YES1: variants seen among roughly 807,000 people sequenced by gnomAD.
YES1 encodes the protein tyrosine-protein kinase Yes.
Under a neutral mutation model 70.4 loss-of-function variants are expected in YES1, and 39 were observed. The observed-to-expected ratio is 0.55, with a 90% CI of 0.43 to 0.72. YES1 has a LOEUF of 0.72. Ranked by LOEUF, YES1 falls within the 30% of genes least tolerant of loss-of-function variation. YES1 has a pLI of 0.00. For missense variants in YES1, 495 were observed against 644.8 expected (o/e 0.77, Z 2.52); for synonymous variants, 198 against 218.6 (o/e 0.91, Z 0.83).
At position 723,487 on chromosome 18, in the gene YES1, A is replaced by G. The variant is rs570659122; in HGVS notation, c.*937T>C. ...GTGCATTCAAGTCCCTGATCTGGTC[A>G]TATTTTCTATTTGTGGCACCCATCC... On this transcript the variant is annotated 3_prime_UTR_variant, in exon 12 of 12. Transcript: ENST00000314574. The G allele has an allele frequency of 6.5e-6, 1 of 152,774 alleles. No homozygotes were observed. The highest frequency in any genetic ancestry group is 2.1e-4 in the South Asian group (1 of 4,832). 9.5% of individuals were successfully genotyped at this position (152,774 alleles called of 1,614,324 possible).
At chr18:734,105 CCT>C (rs2080123325) in intron 10 of YES1, among the ~76,000 whole-genome samples, 1 of 151,756 alleles carries the variant, frequency 6.6e-6, no homozygotes, top group African/African-American at 2.4e-5. Context: ...ACGGTGAAAC[CCT>C]GTCTGTACCA....
intron 1 of YES1, among the ~76,000 whole-genome samples, chr18:804,929 A>C: frequency 6.6e-6 from 1 of 151,664 alleles, no homozygotes. Flanking sequence ...AAAAAAACAC[A>C]AACCAAAAAC....
At chr18:732,237 G>A (rs1176841982) in intron 11 of YES1, among the ~76,000 whole-genome samples, 2 of 151,796 alleles carry the variant, frequency 1.3e-5, no homozygotes, top group East Asian at 1.9e-4. Flanking sequence ...TCAGGAGTTC[G>A]AGACCAGCTT....
chr18:764,119 CA>C (rs138074397), intron 1 of YES1, among the ~76,000 whole-genome samples: 114,211 of 140,476 alleles, frequency 0.81, 46,169 homozygotes, highest in Admixed American at 0.87. Flanking sequence ...GACTCCCTCT[CA>C]AAAAAAAAAA....
In YES1 at chr18:722,207, T is replaced by C. The variant is rs2079960034; in HGVS notation, c.*2217A>G. The C allele has an allele frequency of 6.6e-6, 1 of 152,612 alleles. No individual in the cohort carries two copies. The allele number at this position is 152,612 out of a possible 1,614,324, so 9.5% of individuals were successfully genotyped here. ...TAGTTCACATAAAGCCCTTAAAAAATCTCATGTCACAAGTTGTTGATAAGA... is the reference window on the plus strand; with the variant it reads ...TAGTTCACATAAAGCCCTTAAAAAACCTCATGTCACAAGTTGTTGATAAGA... On this transcript the variant is annotated 3_prime_UTR_variant, in exon 12 of 12. Transcript: ENST00000314574.
chr18:741,337 G>C (rs763059287), intron 8 of YES1, among the ~76,000 whole-genome samples: 17 of 150,014 alleles, frequency 1.1e-4, no homozygotes, highest in Non-Finnish European at 2.2e-4. Context: ...TTAACCTCCT[G>C]GGCTCAAGCA....
chr18:788,777 T>C (rs558988876), intron 1 of YES1, among the ~76,000 whole-genome samples: 5 of 152,278 alleles, frequency 3.3e-5, no homozygotes, highest in African/African-American at 7.2e-5. Context: ...TTTTTAAAAA[T>C]TAGCCAGACA....
chr18:757,483 A>G (rs1251246527), intron 1 of YES1, among the ~76,000 whole-genome samples: 2 of 145,374 alleles, frequency 1.4e-5, no homozygotes, highest in Non-Finnish European at 3.0e-5. Flanking sequence ...AGCCTGGGCG[A>G]CAGAGCGAGA....
chr18:735,224 G>A (rs1344711895), intron 10 of YES1, among the ~76,000 whole-genome samples: 25 of 150,158 alleles, frequency 1.7e-4, no homozygotes, highest in Admixed American at 1.5e-3. Flanking sequence ...AGCACAATTC[G>A]CAATTGCAGA....
chr18:727,468 T>C (rs1480291971), intron 11 of YES1, among the ~76,000 whole-genome samples: 2 of 152,202 alleles, frequency 1.3e-5, no homozygotes, highest in Non-Finnish European at 2.9e-5. Flanking sequence ...ATGGATGTAG[T>C]TGGGTTTAAT....
At chr18:804,518 G>A (rs1217221568) in intron 1 of YES1, among the ~76,000 whole-genome samples, 1 of 144,790 alleles carries the variant, frequency 6.9e-6, no homozygotes, top group Admixed American at 7.1e-5. Context: ...CTGAGGCAGG[G>A]AGAATTGCTT....
rs182915110 is a variant in YES1 at position 742,700 on chromosome 18, A to G, written c.1060+218T>C. 8.7e-3 allele frequency among the ~76,000 whole-genome samples: 1,320 copies of G among 152,296 alleles called. 5 individuals carry two copies. The highest frequency in any genetic ancestry group is 0.015 in the Admixed American group (229 of 15,294). ...TGTTTTAGTCAAACTTAATTTCAAAATTAATTCAGCCTGCCTACTTTTCCT... is the reference window on the plus strand; with the variant it reads ...TGTTTTAGTCAAACTTAATTTCAAAGTTAATTCAGCCTGCCTACTTTTCCT... On this transcript the variant is annotated intron_variant, in intron 8 of 11. Coordinates refer to ENST00000314574, the MANE Select transcript of YES1 (RefSeq NM_005433.4).
intron 1 of YES1, among the ~76,000 whole-genome samples, chr18:794,524 C>T (rs1174761972): frequency 2.0e-5 from 3 of 152,122 alleles, no homozygotes; most frequent in Non-Finnish European, 4.4e-5. Flanking sequence ...ACTTTCCTTG[C>T]CACATTTCCT....
At chr18:764,814 C>G (rs909560136) in intron 1 of YES1, among the ~76,000 whole-genome samples, 2 of 151,832 alleles carry the variant, frequency 1.3e-5, no homozygotes, top group Non-Finnish European at 2.9e-5. Flanking sequence ...CTCACTGTAA[C>G]CTCCGCCTCC....
At position 795,912 on chromosome 18, in the gene YES1, AACAC is replaced by A. The variant is rs72204539; in HGVS notation, c.-9+16198_-9+16201del. ...TTCAGCACATGTATCCCAGAACTTA[AACAC>A]ACACACACACACACACACACACACA... On this transcript the variant is annotated intron_variant, in intron 1 of 11. Transcript: ENST00000314574. Among the ~76,000 whole-genome samples the A allele has an allele frequency of 3.2e-3, 465 of 144,660 alleles. 5 individuals are homozygous for A. The highest frequency in any genetic ancestry group is 5.7e-3 in the South Asian group (26 of 4,554). 94.9% of individuals were successfully genotyped at this position (144,660 alleles called of 152,430 possible).
At chr18:811,867 T>C (rs1907402201) in intron 1 of YES1, among the ~76,000 whole-genome samples, 2 of 151,980 alleles carry the variant, frequency 1.3e-5, no homozygotes, top group Admixed American at 6.6e-5. Flanking sequence ...AGGTCGGACT[T>C]GGGCGGGACC....
At chr18:810,880 G>T (rs954440432) in intron 1 of YES1, among the ~76,000 whole-genome samples, 1 of 151,472 alleles carries the variant, frequency 6.6e-6, no homozygotes, top group South Asian at 2.1e-4. Flanking sequence ...CAAGATCCTT[G>T]GCTAATACAA....
At position 734,719 on chromosome 18, in the gene YES1, G is replaced by A. The variant is rs527615144; in HGVS notation, c.1292-1754C>T. 3.0e-4 allele frequency among the ~76,000 whole-genome samples: 45 copies of A among 152,060 alleles called. 1 individual carries two copies. Among genetic ancestry groups the A allele is most frequent in the African/African-American group, 1.0e-3 (43 of 41,482 alleles). On this transcript the variant is annotated intron_variant, in intron 10 of 11. Coordinates refer to ENST00000314574, the MANE Select transcript of YES1 (RefSeq NM_005433.4). ...AAAAACAATAGATGTTGGTGTGGAT[G>A]TGGTGAAAAGGGAACATTTTTCCAC...
chr18:739,627 A>G, intron 9 of YES1, 108 bp downstream of exon 9: 1 of 904,570 alleles, frequency 1.1e-6, no homozygotes, highest in Non-Finnish European at 1.6e-6. Flanking sequence ...AAAAAATAAA[A>G]ATAAAATCCC....
Sources: gnomAD v4.1 joint callset for allele counts (sites outside exome capture counted in the v4.1 genomes callset) on GRCh38, gnomAD v4.1.1 for gene constraint, MANE v1.5 for transcripts, NCBI Gene and HGNC (gene_info 2026-07-23, HGNC 2026-07-21) for gene names.